NAPA: variants seen among roughly 807,000 people sequenced by gnomAD.
NAPA encodes alpha-soluble NSF attachment protein.
NAPA carries 18 observed loss-of-function variants against 48.0 expected under a neutral mutation model. The observed-to-expected ratio is 0.38, with a 90% CI of 0.26 to 0.56. The LOEUF (loss-of-function observed/expected upper bound fraction) is 0.56. Among genes scored for constraint, NAPA ranks in the 20% least tolerant of loss-of-function variants. The probability of loss-of-function intolerance (pLI) is 0.77; values close to 1 mark genes in which losing one functional copy is unlikely to be tolerated. For synonymous variants in NAPA, 152 were observed against 149.9 expected (o/e 1.01, Z -0.10); for missense variants, 315 against 385.0 (o/e 0.82, Z 1.52).
At chr19:47,494,171 GTCTCAGTGAC>G (rs1308189044) in intron 4 of NAPA, among the ~76,000 whole-genome samples, 14 of 152,210 alleles carry the variant, frequency 9.2e-5, no homozygotes, top group Admixed American at 7.2e-4. Flanking sequence ...CTTGTTTCGG[GTCTCAGTGAC>G]TCCTGCTTGT....
chr19:47,514,481 A>AG (rs1350450056), intron 1 of NAPA, among the ~76,000 whole-genome samples: 1 of 151,822 alleles, frequency 6.6e-6, no homozygotes, highest in East Asian at 1.9e-4. Context: ...CCGTCCCCCC[A>AG]GGCCGGTCCC....
At chr19:47,486,184 G>C (rs1041555370), downstream of NAPA, among the ~76,000 whole-genome samples, 2 of 152,080 alleles carry the variant, frequency 1.3e-5, no homozygotes, top group African/African-American at 4.8e-5. Context: ...GTGAAACGCT[G>C]TCTCTGCTAA....
At chr19:47,488,831 G>C (rs1247649208) in intron 10 of NAPA, 1 of 152,604 alleles carries the variant, frequency 6.6e-6, no homozygotes, top group Non-Finnish European at 1.5e-5. Flanking sequence ...GCAGGAGAAT[G>C]GCGTGAACCC....
chr19:47,497,652 C>CTA (rs1968464039), intron 3 of NAPA: 1 of 152,446 alleles, frequency 6.6e-6, no homozygotes, highest in Admixed American at 6.5e-5. Context: ...AGTTGGGGAG[C>CTA]TATGGCCCAG....
chr19:47,486,856 G>A (rs889014543), downstream of NAPA, among the ~76,000 whole-genome samples: 1 of 152,216 alleles, frequency 6.6e-6, no homozygotes, highest in Admixed American at 6.5e-5. Context: ...CACTTCTCTA[G>A]GCTTTCTGGG....
chr19:47,496,830 CAGTGGGGTCCATAAGCACTCCTCTGGGG>C (rs1968437732), intron 3 of NAPA: 2 of 455,610 alleles, frequency 4.4e-6, no homozygotes, highest in African/African-American at 4.0e-5. Context: ...GACATGTAAA[CAGTGGGGTCCATAAGCACTCCTCTGGGG>C]AGTGGGGTCT....
intron 4 of NAPA, among the ~76,000 whole-genome samples, chr19:47,494,035 G>A (rs899840913): frequency 1.3e-5 from 2 of 152,186 alleles, no homozygotes; most frequent in Non-Finnish European, 2.9e-5. Context: ...AAGGGGCCTC[G>A]CACCTTCCAT....
chr19:47,515,033 G>A lies in NAPA; in HGVS notation c.-93C>T. On this transcript the variant is annotated 5_prime_UTR_variant, in exon 1 of 11. Coordinates refer to ENST00000263354, the MANE Select transcript of NAPA (RefSeq NM_003827.4). ...CGCGGAACACAGATCGGTAAAACTC[G>A]CCCGGCTGCGTTGACGTCGCACCGG... 2 of 1,304,852 alleles carry A rather than the reference G, an allele frequency of 1.5e-6. No individual in the cohort carries two copies. Among genetic ancestry groups the A allele is most frequent in the Non-Finnish European group, 2.1e-6 (2 of 942,596 alleles). 80.8% of individuals were successfully genotyped at this position (1,304,852 alleles called of 1,614,324 possible).
At chr19:47,489,978 C>T (rs1206529820) in intron 9 of NAPA, among the ~76,000 whole-genome samples, 2 of 152,068 alleles carry the variant, frequency 1.3e-5, no homozygotes, top group Non-Finnish European at 2.9e-5. Flanking sequence ...CTCAGGGCAA[C>T]CTTACCAACA....
intron 3 of NAPA, among the ~76,000 whole-genome samples, chr19:47,499,738 T>G (rs1403185769): frequency 6.6e-6 from 1 of 152,250 alleles, no homozygotes; most frequent in Admixed American, 6.5e-5. Flanking sequence ...CCAGCAGTTC[T>G]CAAACACGCC....
At chr19:47,511,902 C>T (rs1471217349) in intron 1 of NAPA, among the ~76,000 whole-genome samples, 1 of 152,198 alleles carries the variant, frequency 6.6e-6, no homozygotes, top group Non-Finnish European at 1.5e-5. Flanking sequence ...CCAGCTGCTG[C>T]AGTCCTTTCT....
chr19:47,495,717 AGCTGCCAGC>A, intron 3 of NAPA, 121 bp from the exon 4 acceptor site: 1 of 874,528 alleles, frequency 1.1e-6, no homozygotes, highest in Non-Finnish European at 1.9e-6. Flanking sequence ...AGGCGCTCAG[AGCTGCCAGC>A]GCTGCCACAC....
At chr19:47,490,086 T>G (rs554485481) in intron 9 of NAPA, among the ~76,000 whole-genome samples, 4 of 137,394 alleles carry the variant, frequency 2.9e-5, no homozygotes, top group African/African-American at 1.1e-4. Context: ...GTGTGTGTGT[T>G]GGGGTGTGGT....
chr19:47,511,787 G>A (rs1453965330), intron 1 of NAPA, among the ~76,000 whole-genome samples: 1 of 152,224 alleles, frequency 6.6e-6, no homozygotes, highest in African/African-American at 2.4e-5. Context: ...TCAGCAGGTT[G>A]AGCCTGGCCC....
At chr19:47,486,415 A>G (rs1045388730), downstream of NAPA, among the ~76,000 whole-genome samples, 1 of 152,124 alleles carries the variant, frequency 6.6e-6, no homozygotes, top group African/African-American at 2.4e-5. Context: ...ACCACAATTT[A>G]TCAGAGTGCG....
At chr19:47,502,004 A>C (rs1314255669) in intron 2 of NAPA, among the ~76,000 whole-genome samples, 2 of 152,078 alleles carry the variant, frequency 1.3e-5, no homozygotes, top group African/African-American at 2.4e-5. Context: ...GCACTTTGGG[A>C]GGCCGAGGTG....
chr19:47,493,365 A>G lies in NAPA; in HGVS notation c.420+51T>C, dbSNP rs766186545. The G allele has an allele frequency of 1.9e-6, 3 of 1,592,062 alleles. No homozygotes were observed. Among genetic ancestry groups the G allele is most frequent in the Non-Finnish European group, 2.6e-6 (3 of 1,160,912 alleles). ...GACTCCCCTGGTGGGAAGAAGAGAG[A>G]GCAGCACTGGTCCTGGCTGCCAGCC... On this transcript the variant is annotated intron_variant, in intron 5 of 10. Coordinates refer to ENST00000263354, the MANE Select transcript of NAPA (RefSeq NM_003827.4). The surrounding 1 kb of genome is among the most constrained non-coding windows in gnomAD (Gnocchi z 6.4).
chr19:47,493,006 A>G lies in NAPA; in HGVS notation c.516T>C (p.Ala172=), dbSNP rs1390474773. 1.2e-6 allele frequency: 2 copies of G among 1,614,162 alleles called. No homozygotes were observed. The highest frequency in any genetic ancestry group is 1.7e-5 in the Admixed American group (1 of 60,030). ...NKCLLKVAGY[A]ALLEQYQKAI... is the part of the protein sequence containing the mutation. Reference sequence around the variant, plus strand: ...CCTTCTGATACTGCTCCAGCAGCGCAGCGTAACCAGCCACCTTCAGCAGAC... The same window carrying G: ...CCTTCTGATACTGCTCCAGCAGCGCGGCGTAACCAGCCACCTTCAGCAGAC... Residue 172 remains alanine (A), a synonymous_variant, in exon 7 of 11, where the codon GCT becomes GCC. Coordinates refer to ENST00000263354, the MANE Select transcript of NAPA (RefSeq NM_003827.4). The surrounding 1 kb of genome is among the most constrained non-coding windows in gnomAD (Gnocchi z 6.4).
In NAPA at chr19:47,493,262, G is replaced by T; in HGVS notation, c.421-88C>A. On this transcript the variant is annotated intron_variant, in intron 5 of 10. Transcript: ENST00000263354. This position sits in a 1 kb window ranked among gnomAD's most constrained non-coding sequence, Gnocchi z 6.4. ...AGCTTCCACACCCTCCGCCCTGCCT[G>T]CCTGGGACACAGCCAGACCCCATTC... The T allele has an allele frequency of 6.7e-7, 1 of 1,497,076 alleles. No individual in the cohort carries two copies. 92.7% of individuals were successfully genotyped at this position (1,497,076 alleles called of 1,614,324 possible).
Sources: allele counts gnomAD v4.1 joint callset (sites outside exome capture counted in the v4.1 genomes callset), GRCh38; gene constraint gnomAD v4.1.1; non-coding constraint Gnocchi (gnomAD v3.1); transcripts MANE v1.5; gene names NCBI Gene and HGNC (gene_info 2026-07-23, HGNC 2026-07-21).